The following ELP1 variants were observed in gnomAD, a reference collection of about 807,000 sequenced individuals.
ELP1 encodes the protein elongator complex protein 1.
ELP1 carries 131 observed loss-of-function variants against 183.2 expected under a neutral mutation model. The ratio of observed to expected loss-of-function variants is 0.72; its 90% CI spans 0.62 to 0.83. The LOEUF (loss-of-function observed/expected upper bound fraction) is 0.83, where lower values mean the gene tolerates loss of function less well. Among genes scored for constraint, ELP1 ranks in the 40% least tolerant of loss-of-function variants. ELP1 has a pLI of 0.00. For missense variants in ELP1, 1,550 were observed against 1,594.9 expected, an observed-to-expected ratio of 0.97 and a Z score of 0.48; for synonymous variants, 555 against 569.0, an observed-to-expected ratio of 0.98 and a Z score of 0.35.
In ELP1 at chr9:108,898,545, T is replaced by C; in HGVS notation, c.2320A>G (p.Ile774Val). ...AAGTTAATATGATTCACAGAATCTA[T>C]CTGTTTAATGAAGGTTTCCACATTT... ...LGNVETFIKQ[I>V]DSVNHINLFF... The change falls in exon 22 of 37, where the codon ATA (isoleucine) becomes GTA (valine). Residue 774 changes from isoleucine (I) to valine (V), a missense_variant. By Grantham distance (29) the Ile-to-Val change is conservative. Transcript: ENST00000374647. 2 of 1,601,348 alleles carry C rather than the reference T, an allele frequency of 1.2e-6. No homozygotes were observed. Among genetic ancestry groups the C allele is most frequent in the South Asian group, 1.1e-5 (1 of 90,726 alleles).
intron 29 of ELP1, among the ~76,000 whole-genome samples, chr9:108,885,211 A>C (rs1339817448): frequency 3.3e-5 from 5 of 152,068 alleles, no homozygotes; most frequent in Admixed American, 3.3e-4. Context: ...AGAATACAGA[A>C]AAATCATAGA....
chr9:108,889,302 G>T (rs143235271), intron 29 of ELP1, 30 bp downstream of exon 29: 2 of 1,596,386 alleles, frequency 1.3e-6, no homozygotes, highest in Non-Finnish European at 1.7e-6. Flanking sequence ...TTGCTGACTG[G>T]GGGGTTTAGA....
intron 29 of ELP1, among the ~76,000 whole-genome samples, chr9:108,887,800 C>A (rs1358873399): frequency 6.6e-6 from 1 of 152,160 alleles, no homozygotes; most frequent in Non-Finnish European, 1.5e-5. Context: ...CACAGTAATA[C>A]ACCCAGTGTT....
chr9:108,927,443 A>G lies in ELP1; in HGVS notation c.314T>C (p.Val105Ala), dbSNP rs1829856024. 2 of 1,613,474 alleles carry G rather than the reference A, an allele frequency of 1.2e-6. No homozygotes were observed. Among genetic ancestry groups the G allele is most frequent in the Non-Finnish European group, 8.5e-7 (1 of 1,179,464 alleles). The change falls in exon 4 of 37, where the codon GTT (valine) becomes GCT (alanine). Residue 105 changes from valine to alanine, a missense_variant. By Grantham distance (64) the Val-to-Ala change is moderately conservative. Coordinates refer to ENST00000374647, the MANE Select transcript of ELP1 (RefSeq NM_003640.5). ...AGAGATACCACTGGCTACACTCCCAACACACTCCAGCTGAGACAGAGAAAA... is the reference window on the plus strand; with the variant it reads ...AGAGATACCACTGGCTACACTCCCAGCACACTCCAGCTGAGACAGAGAAAA... ...CSLSTQQLEC[V>A]GSVASGISVM... is the part of the protein sequence containing the mutation.
intron 6 of ELP1, among the ~76,000 whole-genome samples, chr9:108,920,482 A>T (rs991982562): frequency 7.9e-5 from 12 of 152,078 alleles, no homozygotes; most frequent in African/African-American, 2.9e-4. Flanking sequence ...GGATTTCACC[A>T]TGTTGGACAT....
At chr9:108,890,858 T>C (rs531470791) in intron 28 of ELP1, among the ~76,000 whole-genome samples, 1 of 152,288 alleles carries the variant, frequency 6.6e-6, no homozygotes, top group African/African-American at 2.4e-5. Flanking sequence ...TAAAGGTAAA[T>C]GTTTTACCAT....
At chr9:108,926,711 C>A in intron 4 of ELP1, 108 bp from the exon 5 acceptor site, 1 of 781,234 alleles carries the variant, frequency 1.3e-6, no homozygotes, top group Non-Finnish European at 2.1e-6. Context: ...CTGAACAGAG[C>A]AGACAGAATT....
intron 7 of ELP1, 45 bp downstream of exon 7, chr9:108,919,208 G>T: frequency 7.3e-7 from 1 of 1,375,376 alleles, no homozygotes; most frequent in South Asian, 1.2e-5. Flanking sequence ...ATTTTAATAA[G>T]ATAAAAATTT....
chr9:108,878,411 A>G, intron 34 of ELP1, among the ~76,000 whole-genome samples: 1 of 152,186 alleles, frequency 6.6e-6, no homozygotes, highest in South Asian at 2.1e-4. Context: ...CAGTTCAGTT[A>G]GGGGGATGCC....
chr9:108,912,292 G>T lies in ELP1; in HGVS notation c.1161C>A (p.Asp387Glu), dbSNP rs772649069. 6.2e-7 allele frequency: 1 copy of T among 1,614,018 alleles called. No homozygotes were observed. The highest frequency in any genetic ancestry group is 1.3e-5 in the African/African-American group (1 of 74,916). The change falls in exon 11 of 37, where the codon GAC becomes GAA. Residue 387 changes from aspartate to glutamate, a missense_variant. By Grantham distance (45) the Asp-to-Glu change is conservative (BLOSUM62 2). Transcript: ENST00000374647. ...TDRSVGDNSS[D>E]LSNVAVIDGN... ...CATCAATGACAGCCACATTGGACAA[G>T]TCACTTGAATTATCTCCCACGCTCC...
chr9:108,886,692 T>C (rs1828134404), intron 29 of ELP1, among the ~76,000 whole-genome samples: 2 of 152,196 alleles, frequency 1.3e-5, no homozygotes, highest in Admixed American at 6.5e-5. Context: ...AAATTTTTCC[T>C]GTAAAAGATT....
At chr9:108,875,192 G>C (rs903291229) in intron 35 of ELP1, among the ~76,000 whole-genome samples, 8 of 152,198 alleles carry the variant, frequency 5.3e-5, no homozygotes, top group African/African-American at 1.9e-4. Flanking sequence ...GTAAAGATGG[G>C]GGGTGGAGGA....
rs1564084140 is a variant in ELP1 at position 108,897,035 on chromosome 9, G to A, written c.2505C>T (p.Tyr835=). 2 of 1,613,766 alleles carry A rather than the reference G, an allele frequency of 1.2e-6. No individual in the cohort carries two copies. The highest frequency in any genetic ancestry group is 1.7e-6 in the Non-Finnish European group (2 of 1,179,682). The change falls in exon 24 of 37, where the codon TAC becomes TAT. Residue 835 remains tyrosine, a synonymous_variant. Transcript: ENST00000374647. ...CATGAGATGTAAGTATGGATAGGCA[G>A]TATCTGAGGTAATAAGTGAAGAACA... ...AVMESINPHK[Y]CLSILTSHVK...
rs1212431813 is a variant in ELP1 at position 108,898,485 on chromosome 9, T to C, written c.2363+17A>G. ...AAACTATGGAAAAGATACACATGAA[T>C]TATTCAAAATACTTACTTCAATTCT... On this transcript the variant is annotated intron_variant, in intron 22 of 36. Transcript: ENST00000374647. 1 of 1,384,552 alleles carries C rather than the reference T, an allele frequency of 7.2e-7. No individual in the cohort carries two copies. The highest frequency in any genetic ancestry group is 1.4e-5 in the African/African-American group (1 of 69,660). The allele number at this position is 1,384,552 out of a possible 1,614,324, so 85.8% of individuals were successfully genotyped here.
Position 108,903,824 on chromosome 9 carries a change from TAC to T in ELP1, c.1644-157_1644-156del, listed in dbSNP as rs3835305. Among the ~76,000 whole-genome samples, 50,200 of 150,498 alleles carry T rather than the reference TAC, an allele frequency of 0.33. 8,629 individuals carry two copies. The highest frequency in any genetic ancestry group is 0.4 in the Middle Eastern group (115 of 290). ...ATACATATATACACACCCAATACTA[TAC>T]ACACACACACACACACACACACACA... On this transcript the variant is annotated intron_variant, in intron 14 of 36. Transcript: ENST00000374647.
intron 10 of ELP1, among the ~76,000 whole-genome samples, chr9:108,912,917 G>A (rs564599508): frequency 2.8e-5 from 3 of 107,574 alleles, no homozygotes; most frequent in East Asian, 5.4e-4. Context: ...ACCACACCCG[G>A]CTAATTTTTT....
chr9:108,899,690 A>G, intron 20 of ELP1, 132 bp downstream of exon 20: 1 of 706,440 alleles, frequency 1.4e-6, no homozygotes, highest in Non-Finnish European at 2.4e-6. Flanking sequence ...AAGAGCCTCT[A>G]AGAATCTGAT....
rs374789438 is a variant in ELP1, at chr9:108,871,450, C to G, written c.3932-2268G>C. Reference sequence around the variant, plus strand: ...GGGACAAATCGACAATGGAACCAATCCAGAAAAAGTGTTCTCCTTGTCCAA... The same window carrying G: ...GGGACAAATCGACAATGGAACCAATGCAGAAAAAGTGTTCTCCTTGTCCAA... On this transcript the variant is annotated intron_variant, in intron 36 of 36. Transcript: ENST00000374647. 4.4e-4 allele frequency among the ~76,000 whole-genome samples: 67 copies of G among 152,300 alleles called. 1 individual carries two copies. The South Asian group carries it at 0.013, about 29-fold the overall frequency.
intron 25 of ELP1, among the ~76,000 whole-genome samples, chr9:108,895,606 T>C (rs1376596463): frequency 6.6e-6 from 1 of 152,204 alleles, no homozygotes; most frequent in Non-Finnish European, 1.5e-5. Context: ...GGAAGGGTTT[T>C]TAAGCAGTAT....
Sources: gnomAD v4.1 joint callset for allele counts (sites outside exome capture counted in the v4.1 genomes callset) on GRCh38, gnomAD v4.1.1 for gene constraint, MANE v1.5 for transcripts, NCBI Gene and HGNC (gene_info 2026-07-23, HGNC 2026-07-21) for gene names.